The following MUC5B variants were observed in gnomAD, a reference collection of about 807,000 sequenced individuals.
The protein encoded by MUC5B is mucin 5B, oligomeric mucus/gel-forming.
Under a neutral mutation model 376.9 loss-of-function variants are expected in MUC5B, and 116 were observed. The observed-to-expected ratio is 0.31, with a 90% CI of 0.26 to 0.36. MUC5B has a LOEUF of 0.36. MUC5B is among the 10% of genes least tolerant of loss of function. MUC5B has a pLI of 1.00. For missense variants in MUC5B, 7,165 were observed against 7,769.9 expected (o/e 0.92, Z 2.93); for synonymous variants, 3,517 against 3,390.9 (o/e 1.04, Z -1.29).
intron 1 of MUC5B, among the ~76,000 whole-genome samples, chr11:1,224,221 C>G (rs1861827988): frequency 6.6e-6 from 1 of 152,204 alleles, no homozygotes; most frequent in Non-Finnish European, 1.5e-5. Flanking sequence ...CACGCACGTC[C>G]AAGTTGGGGA....
chr11:1,229,430 G>A (rs1861970651), intron 9 of MUC5B, 135 bp downstream of exon 9: 5 of 1,138,492 alleles, frequency 4.4e-6, no homozygotes, highest in Non-Finnish European at 4.9e-6. Flanking sequence ...GGTGGGAAGG[G>A]CACTGGCTGG....
rs1862617709 is a variant in MUC5B at position 1,249,833 on chromosome 11, C to T, written c.12953C>T (p.Ser4318Phe). Residue 4318 changes from serine to phenylalanine, a missense_variant, in exon 31 of 49, where the codon TCC (serine) becomes TTC (phenylalanine). Ser to Phe is a radical substitution (Grantham distance 155, BLOSUM62 -2). This residue lies in a region of MUC5B where 431 missense variants were observed against 390.4 expected (regional missense o/e 1.10). Transcript: ENST00000529681. ...GTGCTGACAAGCACAGCCACCAAAT[C>T]CACAGCTACCAGCGTTACACCCATC... ...LPVLTSTATKSTATSVTPIPS... is the reference protein window; with the variant it reads ...LPVLTSTATKFTATSVTPIPS... 3.7e-6 allele frequency: 6 copies of T among 1,613,682 alleles called. No homozygotes were observed. The highest frequency in any genetic ancestry group is 1.7e-5 in the Admixed American group (1 of 59,998).
rs757243592 is a variant in MUC5B, at chr11:1,241,512, T to C, written c.4632T>C (p.Pro1544=). The C allele has an allele frequency of 6.2e-7, 1 of 1,613,408 alleles. No individual in the cohort carries two copies. The change falls in exon 31 of 49, where the codon CCT becomes CCC. Residue 1544 remains proline (P), a synonymous_variant. Coordinates refer to ENST00000529681, the MANE Select transcript of MUC5B (RefSeq NM_002458.3). ...CTGGAGGGCACTTATGCCAGCAGCC[T>C]AAGGACATAGAGTGCCAGGCCGAGA... is the stretch of plus-strand genomic sequence containing the variant. ...RAAGGHLCQQ[P]KDIECQAESF...
rs1181645813 is a variant in MUC5B, at chr11:1,243,944, C to T, written c.7064C>T (p.Pro2355Leu). The change falls in exon 31 of 49, where the codon CCC becomes CTC. Residue 2355 changes from proline to leucine, a missense_variant. Coordinates refer to ENST00000529681, the MANE Select transcript of MUC5B (RefSeq NM_002458.3). ...RAAGGAVCEQ[P>L]LGLECRAQAQ... Reference sequence around the variant, plus strand: ...GCCGGAGGGGCCGTCTGTGAGCAGCCCCTGGGCCTCGAGTGCCGTGCCCAG... The same window carrying T: ...GCCGGAGGGGCCGTCTGTGAGCAGCTCCTGGGCCTCGAGTGCCGTGCCCAG... 1.9e-6 allele frequency: 3 copies of T among 1,605,342 alleles called. No homozygotes were observed. Among genetic ancestry groups the T allele is most frequent in the South Asian group, 1.1e-5 (1 of 90,812 alleles).
Position 1,258,384 on chromosome 11 carries a change from G to A in MUC5B, c.16593+17G>A. ...TTCTACGGGGTAAGGGCACAGCAGT[G>A]GGTGGGTGTGGCCCTGGGGCCTGAA... is the stretch of plus-strand genomic sequence containing the variant. On this transcript the variant is annotated intron_variant, in intron 43 of 48. Transcript: ENST00000529681. This position sits in a 1 kb window ranked among gnomAD's most constrained non-coding sequence, Gnocchi z 5.5. 1 of 1,611,434 alleles carries A rather than the reference G, an allele frequency of 6.2e-7. No homozygotes were observed. Among genetic ancestry groups the A allele is most frequent in the South Asian group, 1.1e-5 (1 of 90,830 alleles).
In MUC5B at chr11:1,236,905, C is replaced by T. The variant is rs1862170086; in HGVS notation, c.3058-20C>T. 1.4e-6 allele frequency: 2 copies of T among 1,416,434 alleles called. No homozygotes were observed. Among genetic ancestry groups the T allele is most frequent in the Non-Finnish European group, 1.9e-6 (2 of 1,080,318 alleles). 87.7% of individuals were successfully genotyped at this position (1,416,434 alleles called of 1,614,324 possible). ...CTGTGGCCCCAGCTCCAGGGCCCCACTCTCTCGCTGCCTCTGCAGGGCAGG... is the reference window on the plus strand; with the variant it reads ...CTGTGGCCCCAGCTCCAGGGCCCCATTCTCTCGCTGCCTCTGCAGGGCAGG... On this transcript the variant is annotated intron_variant, in intron 24 of 48. Coordinates refer to ENST00000529681, the MANE Select transcript of MUC5B (RefSeq NM_002458.3).
intron 31 of MUC5B, 82 bp from the exon 32 acceptor site, chr11:1,252,261 G>C: frequency 7.3e-7 from 1 of 1,378,340 alleles, no homozygotes; most frequent in South Asian, 1.4e-5. Flanking sequence ...CTCCTGCGCT[G>C]ACCTCTGCCT....
In MUC5B at chr11:1,255,079, C is replaced by G; in HGVS notation, c.15703C>G (p.Arg5235Gly). The G allele has an allele frequency of 3.1e-6, 5 of 1,595,010 alleles. No homozygotes were observed. Among genetic ancestry groups the G allele is most frequent in the Non-Finnish European group, 4.3e-6 (5 of 1,171,838 alleles). The change falls in exon 36 of 49, where the codon CGG becomes GGG. Residue 5235 changes from arginine (R) to glycine (G), a missense_variant. By Grantham distance (125) the Arg-to-Gly change is moderately radical (BLOSUM62 -2). Around this residue, in one of 31 missense-constraint regions of MUC5B, gnomAD observed 842 missense variants for 1,016.9 expected, o/e 0.83. Coordinates refer to ENST00000529681, the MANE Select transcript of MUC5B (RefSeq NM_002458.3). ...CAACCAGAGGGACGACTGTCTCCAG[C>G]GGGACGGAACCACTGCCGCCAGTTG... ...TNNQRDDCLQ[R>G]DGTTAASCKD...
rs1386498496 is a variant in MUC5B, at chr11:1,231,931, G to A, written c.1679-65G>A. On this transcript the variant is annotated intron_variant, in intron 14 of 48. Transcript: ENST00000529681. ...CACCCTGTGTGGTGCCTGGAGGGAT[G>A]GCAGGGGCCAGGAGCCAGGTGGGCC... is the stretch of plus-strand genomic sequence containing the variant. 11 of 1,600,428 alleles carry A rather than the reference G, an allele frequency of 6.9e-6. No individual in the cohort carries two copies. The Admixed American group carries it at 1.9e-4, about 27-fold the overall frequency.
rs750127346 is a variant in MUC5B at position 1,251,055 on chromosome 11, C to G, written c.14175C>G (p.Ser4725=). The G allele has an allele frequency of 1.9e-6, 3 of 1,611,506 alleles. No homozygotes were observed. Among genetic ancestry groups the G allele is most frequent in the Non-Finnish European group, 2.5e-6 (3 of 1,178,306 alleles). The change falls in exon 31 of 49, where the codon TCC becomes TCG. Residue 4725 remains serine (S), a synonymous_variant. Coordinates refer to ENST00000529681, the MANE Select transcript of MUC5B (RefSeq NM_002458.3). The part of the protein sequence containing the change: ...TPAATSSKAT[S]SSSPRTATTL... ...CAGCCACCAGCTCCAAAGCCACTTCCTCCTCCAGTCCAAGGACTGCAACCA... is the reference window on the plus strand; with the variant it reads ...CAGCCACCAGCTCCAAAGCCACTTCGTCCTCCAGTCCAAGGACTGCAACCA...
Position 1,243,317 on chromosome 11 carries a change from C to T in MUC5B, c.6437C>T (p.Thr2146Ile), listed in dbSNP as rs748296172. 2.6e-6 allele frequency: 4 copies of T among 1,557,316 alleles called. No individual in the cohort carries two copies. The Admixed American group carries it at 7.8e-5, about 30-fold the overall frequency. Residue 2146 changes from threonine to isoleucine, a missense_variant, in exon 31 of 49, where the codon ACC (threonine) becomes ATC (isoleucine). Transcript: ENST00000529681. ...TATTITATGS[T>I]TNPSSTPGTT... Reference sequence around the variant, plus strand: ...ACTACGATCACGGCCACCGGCTCCACCACCAACCCCTCCTCAACTCCTGGG... The same window carrying T: ...ACTACGATCACGGCCACCGGCTCCATCACCAACCCCTCCTCAACTCCTGGG...
chr11:1,232,854 C>T (rs1401734828), intron 17 of MUC5B, 84 bp downstream of exon 17: 21 of 1,485,868 alleles, frequency 1.4e-5, no homozygotes, highest in Middle Eastern at 2.1e-4. Flanking sequence ...GTCACTCACA[C>T]GGTTCTCAGC....
intron 24 of MUC5B, 146 bp from the exon 25 acceptor site, chr11:1,236,779 T>C: frequency 8.7e-7 from 1 of 1,153,158 alleles, no homozygotes; most frequent in South Asian, 1.9e-5. Flanking sequence ...ACCTGTCTCC[T>C]ACAAGTTCAC....
At chr11:1,256,292 G>A (rs1862833117) in intron 38 of MUC5B, 67 bp downstream of exon 38, 2 of 705,060 alleles carry the variant, frequency 2.8e-6, no homozygotes, top group Non-Finnish European at 5.3e-6. Context: ...GGGGGAGCAG[G>A]AGGAGGCCAG....
chr11:1,254,634 C>T, intron 34 of MUC5B, 60 bp from the exon 35 acceptor site: 1 of 1,532,236 alleles, frequency 6.5e-7, no homozygotes, highest in Non-Finnish European at 8.8e-7. Context: ...AAGAGAAGCC[C>T]TGCTCCCCGA....
intron 23 of MUC5B, among the ~76,000 whole-genome samples, chr11:1,235,653 G>T (rs1862140613): frequency 6.6e-6 from 1 of 152,190 alleles, no homozygotes; most frequent in Non-Finnish European, 1.5e-5. Flanking sequence ...GGTCTGGGGA[G>T]GTCCTTCCTG....
chr11:1,231,252 C>T (rs1382551919), intron 13 of MUC5B, among the ~76,000 whole-genome samples, 171 bp from the exon 14 acceptor site: 2 of 152,206 alleles, frequency 1.3e-5, no homozygotes, highest in African/African-American at 4.8e-5. Context: ...CCACCTGAGC[C>T]CACTTGGCGG....
In MUC5B at chr11:1,257,682, G is replaced by C. The variant is rs56220864; in HGVS notation, c.16422G>C (p.Glu5474Asp). 45,733 of 1,570,458 alleles carry C rather than the reference G, an allele frequency of 0.029. 840 individuals carry two copies. Among genetic ancestry groups the C allele is most frequent in the Non-Finnish European group, 0.032 (37,813 of 1,165,658 alleles). ...GFVTVTRPRA[E>D]NPCCPETVCV... Reference sequence around the variant, plus strand: ...TAACCGTGACCAGGCCCCGGGCCGAGAACCCCTGCTGCCCCGAGACGGTGT... The same window carrying C: ...TAACCGTGACCAGGCCCCGGGCCGACAACCCCTGCTGCCCCGAGACGGTGT... Residue 5474 changes from glutamate to aspartate, a missense_variant, in exon 41 of 49, where the codon GAG becomes GAC. Physicochemically the swap from Glu to Asp is conservative, Grantham distance 45. Transcript: ENST00000529681. The surrounding 1 kb of genome is among the most constrained non-coding windows in gnomAD (Gnocchi z 8.9).
rs747975951 is a variant in MUC5B at position 1,244,526 on chromosome 11, G to C, written c.7646G>C (p.Trp2549Ser). The change falls in exon 31 of 49, where the codon TGG becomes TCG. Residue 2549 changes from tryptophan to serine, a missense_variant. Trp to Ser is a radical substitution (Grantham distance 177, BLOSUM62 -3). Coordinates refer to ENST00000529681, the MANE Select transcript of MUC5B (RefSeq NM_002458.3). Reference sequence around the variant, plus strand: ...CCCTCCTCCTCCCTGGGCACCACCTGGACCCGCCTATCACAGACCACCACA... The same window carrying C: ...CCCTCCTCCTCCCTGGGCACCACCTCGACCCGCCTATCACAGACCACCACA... ...AIPSSSLGTTWTRLSQTTTPT... is the reference protein window; with the variant it reads ...AIPSSSLGTTSTRLSQTTTPT... 8 of 1,535,680 alleles carry C rather than the reference G, an allele frequency of 5.2e-6. No homozygotes were observed. The highest frequency in any genetic ancestry group is 1.4e-5 in the African/African-American group (1 of 72,402).
Sources: gnomAD v4.1 joint callset for allele counts (sites outside exome capture counted in the v4.1 genomes callset) on GRCh38, gnomAD v4.1.1 for gene constraint, gnomAD v4.1.1 regional missense constraint, Gnocchi (gnomAD v3.1) non-coding constraint, MANE v1.5 for transcripts, NCBI Gene and HGNC (gene_info 2026-07-23, HGNC 2026-07-21) for gene names.